Variants in FAF1 observed in about 807,000 individuals in gnomAD.
FAF1 encodes the protein FAS-associated factor 1.
Under a neutral mutation model 92.5 loss-of-function variants are expected in FAF1, and 25 were observed. The observed-to-expected ratio is 0.27, with a 90% CI of 0.20 to 0.38. The LOEUF (loss-of-function observed/expected upper bound fraction) is 0.38, where lower values mean the gene tolerates loss of function less well. Ranked by LOEUF, FAF1 falls within the 10% of genes least tolerant of loss-of-function variation. The probability of loss-of-function intolerance (pLI) is 1.00; values close to 1 mark genes in which losing one functional copy is unlikely to be tolerated. For synonymous variants in FAF1, 234 were observed against 273.2 expected, an observed-to-expected ratio of 0.86 and a Z score of 1.42; for missense variants, 636 against 793.3, an observed-to-expected ratio of 0.80 and a Z score of 2.38.
At chr1:50,884,197 A>G (rs779218152) in intron 1 of FAF1, among the ~76,000 whole-genome samples, 2 of 151,776 alleles carry the variant, frequency 1.3e-5, no homozygotes, top group Non-Finnish European at 1.5e-5. Flanking sequence ...ATACATAGAA[A>G]TAAAACACAT....
chr1:50,741,158 C>T (rs79196684), intron 5 of FAF1, among the ~76,000 whole-genome samples: 53 of 152,236 alleles, frequency 3.5e-4, no homozygotes, highest in African/African-American at 1.2e-3. Context: ...TGGGATGGGA[C>T]CAAATTAGAT....
chr1:50,461,252 G>A (rs1369803164), intron 18 of FAF1, among the ~76,000 whole-genome samples: 1 of 152,208 alleles, frequency 6.6e-6, no homozygotes, highest in East Asian at 1.9e-4. Context: ...CACTGATAGA[G>A]GACTTTTTAT....
chr1:50,918,266 T>A (rs1425488381), intron 1 of FAF1, among the ~76,000 whole-genome samples: 1 of 135,638 alleles, frequency 7.4e-6, no homozygotes, highest in Non-Finnish European at 1.6e-5. Flanking sequence ...TATGTATACA[T>A]GTGCCATGCT....
Position 50,900,564 on chromosome 1 carries a change from C to T in FAF1, c.46-42567G>A, listed in dbSNP as rs141264260. On this transcript the variant is annotated intron_variant, in intron 1 of 18. Coordinates refer to ENST00000396153, the MANE Select transcript of FAF1 (RefSeq NM_007051.3). ...ACACACTTTGAATTCACAAACTTTACAAGCCAGAGCAAGTTACTTCACCTC... is the reference window on the plus strand; with the variant it reads ...ACACACTTTGAATTCACAAACTTTATAAGCCAGAGCAAGTTACTTCACCTC... 1.8e-3 allele frequency among the ~76,000 whole-genome samples: 269 copies of T among 152,180 alleles called. 1 individual carries two copies. The highest frequency in any genetic ancestry group is 6.3e-3 in the African/African-American group (260 of 41,528).
chr1:50,920,888 T>C (rs967585967), intron 1 of FAF1, among the ~76,000 whole-genome samples: 5 of 152,150 alleles, frequency 3.3e-5, no homozygotes, highest in Admixed American at 3.3e-4. Context: ...TGTCACCACT[T>C]CTATTCAACC....
chr1:50,631,270 A>G (rs1653776129), intron 8 of FAF1, among the ~76,000 whole-genome samples: 1 of 152,046 alleles, frequency 6.6e-6, no homozygotes, highest in South Asian at 2.1e-4. Context: ...GTTATTCCCA[A>G]TTTAATATTT....
chr1:50,593,618 G>C (rs1239105978), intron 9 of FAF1, among the ~76,000 whole-genome samples: 2 of 152,114 alleles, frequency 1.3e-5, no homozygotes, highest in African/African-American at 4.8e-5. Context: ...AAAAAAAATG[G>C]TTTGGTCTCT....
chr1:50,724,680 G>A (rs1028414053), intron 6 of FAF1, among the ~76,000 whole-genome samples: 2 of 152,096 alleles, frequency 1.3e-5, no homozygotes, highest in Admixed American at 6.5e-5. Flanking sequence ...TTCTAGATTT[G>A]TTTCTCTTAG....
intron 2 of FAF1, among the ~76,000 whole-genome samples, chr1:50,803,541 T>C (rs150654631): frequency 1.8e-3 from 267 of 152,270 alleles, no homozygotes; most frequent in African/African-American, 6.2e-3. Flanking sequence ...CTGTCTGGCA[T>C]AGTGTCTGCA....
intron 4 of FAF1, among the ~76,000 whole-genome samples, chr1:50,746,528 C>T (rs1659630922): frequency 6.6e-6 from 1 of 150,884 alleles, no homozygotes; most frequent in Non-Finnish European, 1.5e-5. Context: ...TCTCAAACTC[C>T]CAACCTCAGG....
At chr1:50,856,453 T>C (rs183094204) in intron 2 of FAF1, among the ~76,000 whole-genome samples, 206 of 151,896 alleles carry the variant, frequency 1.4e-3, no homozygotes, top group Non-Finnish European at 2.3e-3. Flanking sequence ...TGTTGGAGTA[T>C]AGCAACAATG....
At chr1:50,475,296 T>C (rs1646624919) in intron 18 of FAF1, among the ~76,000 whole-genome samples, 168 bp downstream of exon 18, 2 of 152,182 alleles carry the variant, frequency 1.3e-5, no homozygotes, top group African/African-American at 4.8e-5. Flanking sequence ...TGGGAAGCCA[T>C]ACTTTCTCCA....
intron 1 of FAF1, among the ~76,000 whole-genome samples, chr1:50,912,866 A>C (rs992988133): frequency 6.6e-6 from 1 of 152,226 alleles, no homozygotes; most frequent in Admixed American, 6.5e-5. Context: ...TTTAAAAAAA[A>C]GATGAAGTGT....
At chr1:50,723,778 C>T (rs1333612546) in intron 6 of FAF1, among the ~76,000 whole-genome samples, 1 of 151,690 alleles carries the variant, frequency 6.6e-6, no homozygotes, top group East Asian at 1.9e-4. Flanking sequence ...GACTGAGTTT[C>T]GCTCAGGTTG....
chr1:50,926,653 C>T (rs1645008445), intron 1 of FAF1, among the ~76,000 whole-genome samples: 1 of 151,956 alleles, frequency 6.6e-6, no homozygotes, highest in Admixed American at 6.6e-5. Flanking sequence ...CTACACATTG[C>T]ATATTCTTAT....
intron 5 of FAF1, among the ~76,000 whole-genome samples, chr1:50,739,308 A>C (rs1659277224): frequency 6.6e-6 from 1 of 152,018 alleles, no homozygotes; most frequent in Admixed American, 6.6e-5. Context: ...GTACACGTAC[A>C]TGCATATACA....
intron 3 of FAF1, 86 bp from the exon 4 acceptor site, chr1:50,788,291 T>C: frequency 9.0e-7 from 1 of 1,114,536 alleles, no homozygotes; most frequent in African/African-American, 1.6e-5. Flanking sequence ...TTGGCTTGTG[T>C]TGTTCTTCCT....
chr1:50,660,714 G>A (rs1027156517), intron 7 of FAF1, among the ~76,000 whole-genome samples: 4 of 151,854 alleles, frequency 2.6e-5, no homozygotes, highest in African/African-American at 4.8e-5. Context: ...GGCTAGTCTC[G>A]AGCTCCTGAC....
At chr1:50,855,181 G>A (rs1215084840) in intron 2 of FAF1, among the ~76,000 whole-genome samples, 1 of 151,836 alleles carries the variant, frequency 6.6e-6, no homozygotes, top group East Asian at 1.9e-4. Context: ...AATACACACA[G>A]ATCAGAGATC....
Sources: gnomAD v4.1 joint callset for allele counts (sites outside exome capture counted in the v4.1 genomes callset) on GRCh38, gnomAD v4.1.1 for gene constraint, MANE v1.5 for transcripts, NCBI Gene and HGNC (gene_info 2026-07-23, HGNC 2026-07-21) for gene names.